Variants in NPM3 observed in about 807,000 individuals in gnomAD.
NPM3 encodes nucleophosmin/nucleoplasmin 3, also known as nucleoplasmin-3.
In NPM3, 12 loss-of-function variants were observed where a neutral mutation model predicts 18.1. The observed-to-expected ratio is 0.66, with a 90% CI of 0.42 to 1.07. The LOEUF (loss-of-function observed/expected upper bound fraction) is 1.07, where lower values mean the gene tolerates loss of function less well. NPM3 is among the 50% of genes least tolerant of loss of function. NPM3 has a pLI of 0.00. For synonymous variants in NPM3, 116 were observed against 93.7 expected, an observed-to-expected ratio of 1.24 and a Z score of -1.38; for missense variants, 274 against 232.1, an observed-to-expected ratio of 1.18 and a Z score of -1.17.
In NPM3 at chr10:101,782,545, GC is replaced by G; in HGVS notation, c.256del (p.Ala86ProfsTer35). On this transcript the variant is annotated frameshift_variant, in exon 3 of 6. Transcript: ENST00000370110. LOFTEE classifies it high-confidence loss of function. ...GATCTCCTGATGGTCATGGTTCCGG[GC>G]CACAACTTCTACCACATTACACTCG... 9.3e-6 allele frequency: 15 copies of G among 1,614,036 alleles called. No homozygotes were observed. The highest frequency in any genetic ancestry group is 1.2e-5 in the Non-Finnish European group (14 of 1,179,994).
chr10:101,782,777 G>A, intron 2 of NPM3, 62 bp downstream of exon 2: 1 of 1,588,572 alleles, frequency 6.3e-7, no homozygotes, highest in East Asian at 2.2e-5. Context: ...CCGGAGGTTG[G>A]GTAGAGACCT....
exon 3 of NPM3, chr10:101,782,517 T>G: frequency 1.9e-6 from 3 of 1,613,822 alleles, no homozygotes; most frequent in Non-Finnish European, 2.5e-6. Context: ...CCACAGGGAC[T>G]GCGATCTCCT....
chr10:101,782,709 AGGGGAGCCGCCCATGCC>A (rs2065151385), intron 2 of NPM3, 112 bp from the exon 3 acceptor site: 1 of 1,584,112 alleles, frequency 6.3e-7, no homozygotes, highest in African/African-American at 1.4e-5. Flanking sequence ...TCACCTGGCC[AGGGGAGCCGCCCATGCC>A]GGGGGGTTAG....
intron 1 of NPM3, 57 bp downstream of exon 1, chr10:101,783,216 C>T: frequency 7.7e-7 from 1 of 1,300,506 alleles, no homozygotes; most frequent in Middle Eastern, 1.9e-4. Flanking sequence ...ATTCCCGCCT[C>T]ACATCCCTAC....
At chr10:101,783,393 T>A (rs757952015) in exon 1 of NPM3, 11 of 1,586,928 alleles carry the variant, frequency 6.9e-6, no homozygotes, top group Non-Finnish European at 8.6e-6. Flanking sequence ...GCGGCCATGC[T>A]GTAAGAGCCT....
intron 4 of NPM3, 32 bp from the exon 5 acceptor site, chr10:101,781,886 G>A: frequency 6.2e-7 from 1 of 1,614,132 alleles, no homozygotes; most frequent in Non-Finnish European, 8.5e-7. Context: ...GAAGGATGGG[G>A]TGTTAAGACC....
chr10:101,781,991 C>A (rs2065144746), intron 4 of NPM3, 137 bp from the exon 5 acceptor site: 3 of 1,443,344 alleles, frequency 2.1e-6, no homozygotes, highest in South Asian at 2.4e-5. Context: ...GTGGGAAGAA[C>A]CTCAGACCCT....
At chr10:101,783,157 G>C (rs1589818083) in intron 1 of NPM3, 116 bp downstream of exon 1, 1 of 903,202 alleles carries the variant, frequency 1.1e-6, no homozygotes, top group East Asian at 2.5e-5. Context: ...TCTCCTGCGG[G>C]AACAGCGAAG....
At chr10:101,782,284 ACAGGGC>A in exon 4 of NPM3, 1 of 1,614,020 alleles carries the variant, frequency 6.2e-7, no homozygotes, top group Non-Finnish European at 8.5e-7. Flanking sequence ...AGTGATCCGC[ACAGGGC>A]CAGAGCCCGA....
intron 1 of NPM3, 120 bp downstream of exon 1, chr10:101,783,153 G>T: frequency 1.1e-6 from 1 of 891,264 alleles, no homozygotes; most frequent in Non-Finnish European, 1.8e-6. Context: ...CCCCTCTCCT[G>T]CGGGAACAGC....
At chr10:101,782,419 C>T in intron 3 of NPM3, 59 bp downstream of exon 3, 1 of 1,600,768 alleles carries the variant, frequency 6.2e-7, no homozygotes, top group Non-Finnish European at 8.5e-7. Flanking sequence ...TGAGTGCTAA[C>T]GTCCTCAATC....
chr10:101,782,200 G>A, intron 4 of NPM3, 58 bp downstream of exon 4: 1 of 1,462,880 alleles, frequency 6.8e-7, no homozygotes, highest in Non-Finnish European at 9.5e-7. Context: ...GCGGAGTGGG[G>A]GAAGCCTGAT....
chr10:101,781,473 C>A, exon 6 of NPM3: 1 of 469,288 alleles, frequency 2.1e-6, no homozygotes, highest in Non-Finnish European at 3.7e-6. Context: ...ATCAGAAAAC[C>A]ACGGCTGTGT....
intron 4 of NPM3, 75 bp downstream of exon 4, chr10:101,782,183 C>G (rs1011324150): frequency 7.8e-5 from 102 of 1,306,924 alleles, no homozygotes; most frequent in Non-Finnish European, 1.0e-4. Context: ...TGGGATGGGG[C>G]AGGAGTGCGG....
intron 1 of NPM3, 91 bp downstream of exon 1, chr10:101,783,182 C>T: frequency 9.6e-7 from 1 of 1,041,758 alleles, no homozygotes; most frequent in Non-Finnish European, 1.4e-6. Context: ...CCTCCGCCCA[C>T]ACCCACGCCT....
exon 3 of NPM3, chr10:101,782,530 T>C (rs1329181251): frequency 1.2e-6 from 2 of 1,613,956 alleles, no homozygotes; most frequent in Admixed American, 1.7e-5. Flanking sequence ...GATCTCCTGA[T>C]GGTCATGGTT....
exon 4 of NPM3, chr10:101,782,339 C>G: frequency 6.2e-7 from 1 of 1,613,888 alleles, no homozygotes; most frequent in Non-Finnish European, 8.5e-7. Flanking sequence ...AGCTGGAAGT[C>G]ATCCAGACTG....
At chr10:101,783,093 C>T (rs1410285128) in intron 1 of NPM3, among the ~76,000 whole-genome samples, 169 bp from the exon 2 acceptor site, 1 of 152,046 alleles carries the variant, frequency 6.6e-6, no homozygotes, top group Non-Finnish European at 1.5e-5. Flanking sequence ...CCCCGCCCAA[C>T]ACATCTGGGG....
At chr10:101,783,163 C>G in intron 1 of NPM3, 110 bp downstream of exon 1, 1 of 933,916 alleles carries the variant, frequency 1.1e-6, no homozygotes, top group Non-Finnish European at 1.7e-6. Context: ...GCGGGAACAG[C>G]GAAGCAGCCC....
Sources: gnomAD v4.1 joint callset for allele counts (sites outside exome capture counted in the v4.1 genomes callset) on GRCh38, gnomAD v4.1.1 for gene constraint, MANE v1.5 for transcripts, NCBI Gene and HGNC (gene_info 2026-07-23, HGNC 2026-07-21) for gene names.